The following GLRX5 variants were observed in gnomAD, a reference collection of about 807,000 sequenced individuals.
GLRX5 encodes the protein glutaredoxin-related protein 5, mitochondrial.
Under a neutral mutation model 13.8 loss-of-function variants are expected in GLRX5, and 10 were observed. The ratio of observed to expected loss-of-function variants is 0.72; its 90% CI spans 0.45 to 1.23. The LOEUF is 1.23. Among genes scored for constraint, GLRX5 ranks in the 50% most tolerant of loss-of-function variants. The pLI, the probability that GLRX5 is intolerant of heterozygous loss-of-function variation, is 0.00. For synonymous variants in GLRX5, 98 were observed against 101.1 expected (o/e 0.97, Z 0.18); for missense variants, 233 against 215.2 (o/e 1.08, Z -0.52).
intron 1 of GLRX5, chr14:95,542,889 G>A (rs930866283): frequency 2.7e-6 from 1 of 375,222 alleles, no homozygotes; most frequent in African/African-American, 2.1e-5. Context: ...AGAAAAGGAA[G>A]TAGACTGATG....
At position 95,537,172 on chromosome 14, in the gene GLRX5, T is replaced by C. The variant is rs74598126; in HGVS notation, c.295+1788T>C. 2.6e-5 allele frequency among the ~76,000 whole-genome samples: 4 copies of C among 152,360 alleles called. No individual in the cohort carries two copies. The East Asian group carries it at 5.8e-4, about 22-fold the overall frequency. On this transcript the variant is annotated intron_variant, in intron 1 of 1. Coordinates refer to ENST00000331334, the MANE Select transcript of GLRX5 (RefSeq NM_016417.3). ...GTTTCGAGGGTCTTTGGTTTGTGAA[T>C]TTATTTTCTCTTGTTTAATATAACT...
intron 1 of GLRX5, among the ~76,000 whole-genome samples, chr14:95,540,381 A>G (rs1474353999): frequency 1.3e-5 from 2 of 152,132 alleles, no homozygotes; most frequent in Admixed American, 6.6e-5. Flanking sequence ...CATTCCTTAG[A>G]TATCATGGAA....
chr14:95,541,349 A>G (rs1447141930), intron 1 of GLRX5, among the ~76,000 whole-genome samples: 1 of 152,226 alleles, frequency 6.6e-6, no homozygotes, highest in Non-Finnish European at 1.5e-5. Flanking sequence ...ACTTCACTCT[A>G]TAGGAAGCAA....
Position 95,539,895 on chromosome 14 carries a change from A to T in GLRX5, c.296-4052A>T, listed in dbSNP as rs113632237. 6.0e-3 allele frequency among the ~76,000 whole-genome samples: 239 copies of T among 40,108 alleles called. 3 individuals are homozygous for T. The highest frequency in any genetic ancestry group is 0.014 in the South Asian group (10 of 712). The allele number at this position is 40,108 out of a possible 152,430, so 26.3% of individuals were successfully genotyped here. On this transcript the variant is annotated intron_variant, in intron 1 of 1. Coordinates refer to ENST00000331334, the MANE Select transcript of GLRX5 (RefSeq NM_016417.3). ...AACTCAATAAATGGTATATATATAT[A>T]TATTTTTTTTTTTTTGAGAGAGTGT...
At chr14:95,540,887 A>G (rs993889570) in intron 1 of GLRX5, among the ~76,000 whole-genome samples, 1 of 152,210 alleles carries the variant, frequency 6.6e-6, no homozygotes. Context: ...TCTGGAAGGG[A>G]ATTTTAAAGT....
chr14:95,535,665 C>T (rs919557944), intron 1 of GLRX5, among the ~76,000 whole-genome samples: 3 of 152,200 alleles, frequency 2.0e-5, no homozygotes, highest in African/African-American at 7.2e-5. Flanking sequence ...TCACTTCGAG[C>T]TAATATAGGC....
At chr14:95,538,292 C>T (rs971528420) in intron 1 of GLRX5, among the ~76,000 whole-genome samples, 1 of 152,176 alleles carries the variant, frequency 6.6e-6, no homozygotes, top group African/African-American at 2.4e-5. Flanking sequence ...ACTCTGCGGC[C>T]TTAAAGGCAT....
intron 1 of GLRX5, chr14:95,543,663 T>TCA (rs1327085805): frequency 7.7e-5 from 26 of 339,782 alleles, no homozygotes; most frequent in Middle Eastern, 7.9e-4. Context: ...TACCTAATTC[T>TCA]CACAAAAAAA....
intron 1 of GLRX5, chr14:95,543,142 C>T (rs1409195408): frequency 2.2e-6 from 1 of 455,948 alleles, no homozygotes; most frequent in African/African-American, 2.0e-5. Context: ...GCGGGTCTCA[C>T]TCCCCCACCC....
At chr14:95,542,222 G>A (rs965174379) in intron 1 of GLRX5, among the ~76,000 whole-genome samples, 1 of 152,208 alleles carries the variant, frequency 6.6e-6, no homozygotes, top group African/African-American at 2.4e-5. Context: ...TCACCATGAT[G>A]AACAACTTGA....
chr14:95,543,732 CTGACGGT>C lies in GLRX5; in HGVS notation c.296-213_296-207del, dbSNP rs932307905. 8 of 570,050 alleles carry C rather than the reference CTGACGGT, an allele frequency of 1.4e-5. No individual in the cohort carries two copies. In the African/African-American group the frequency reaches 1.5e-4, roughly 11 times the overall value. The allele number at this position is 570,050 out of a possible 1,614,324, so 35.3% of individuals were successfully genotyped here. A position where few individuals can be genotyped will look rare whatever the true frequency, so the allele number is the denominator to read the frequency against. On this transcript the variant is annotated intron_variant, in intron 1 of 1. Transcript: ENST00000331334. ...AGAGGTCAGGTGACTTGTCTGAGGG[CTGACGGT>C]TTGTAATTGGAAGAGTCAGGGCCTA... is the stretch of plus-strand genomic sequence containing the variant.
intron 1 of GLRX5, among the ~76,000 whole-genome samples, chr14:95,537,072 C>G (rs1891394108): frequency 6.6e-6 from 1 of 152,156 alleles, no homozygotes; most frequent in African/African-American, 2.4e-5. Context: ...TGACAGAGAC[C>G]TTGCAGGGAG....
chr14:95,536,245 G>A (rs770692221), intron 1 of GLRX5, among the ~76,000 whole-genome samples: 8 of 152,158 alleles, frequency 5.3e-5, no homozygotes, highest in Non-Finnish European at 1.5e-5. Flanking sequence ...ACGTGCATTC[G>A]CCAGTCTTAT....
rs767010516 is a variant in GLRX5, at chr14:95,544,247, G to C, written c.*122G>C. On this transcript the variant is annotated 3_prime_UTR_variant, in exon 2 of 2. Coordinates refer to ENST00000331334, the MANE Select transcript of GLRX5 (RefSeq NM_016417.3). The stretch of plus-strand genomic sequence containing the variant: ...CGCAACTGCTTGCACTGATCATTTT[G>C]GTTCGTGAGCAGTTGGTGATTTTAG... 41 of 776,136 alleles carry C rather than the reference G, an allele frequency of 5.3e-5. 1 individual carries two copies. The highest frequency in any genetic ancestry group is 3.1e-4 in the Admixed American group (15 of 47,828). The allele number at this position is 776,136 out of a possible 1,614,324, so 48.1% of individuals were successfully genotyped here. A position where few individuals can be genotyped will look rare whatever the true frequency, so the allele number is the denominator to read the frequency against.
At chr14:95,535,441 A>G in intron 1 of GLRX5, 57 bp downstream of exon 1, 2 of 1,487,116 alleles carry the variant, frequency 1.3e-6, no homozygotes, top group African/African-American at 1.4e-5. Context: ...GCATCGCTGC[A>G]CGAGGCCGAG....
At chr14:95,537,112 T>TA (rs1052745678) in intron 1 of GLRX5, among the ~76,000 whole-genome samples, 1 of 152,306 alleles carries the variant, frequency 6.6e-6, no homozygotes, top group African/African-American at 2.4e-5. Flanking sequence ...ATGGCACTAG[T>TA]AAAAAAGTGG....
intron 1 of GLRX5, among the ~76,000 whole-genome samples, chr14:95,539,898 T>TATA (rs200946641): frequency 6.0e-4 from 12 of 19,928 alleles, no homozygotes; most frequent in South Asian, 1.2e-3. Context: ...TATATATATA[T>TATA]TTTTTTTTTT....
intron 1 of GLRX5, among the ~76,000 whole-genome samples, chr14:95,536,032 T>C (rs1456116086): frequency 6.6e-6 from 1 of 152,110 alleles, no homozygotes; most frequent in Non-Finnish European, 1.5e-5. Context: ...ACATTTGGCT[T>C]TAGATACTCA....
At chr14:95,540,801 G>A (rs748061860) in intron 1 of GLRX5, among the ~76,000 whole-genome samples, 13 of 152,200 alleles carry the variant, frequency 8.5e-5, no homozygotes, top group Admixed American at 1.3e-4. Context: ...TGCTGCTCTC[G>A]TAATTTAGTG....
Sources: gnomAD v4.1 joint callset for allele counts (sites outside exome capture counted in the v4.1 genomes callset) on GRCh38, gnomAD v4.1.1 for gene constraint, MANE v1.5 for transcripts, NCBI Gene and HGNC (gene_info 2026-07-23, HGNC 2026-07-21) for gene names.